The following FBLN7 variants were observed in gnomAD, a reference collection of about 807,000 sequenced individuals.
The protein encoded by FBLN7 is fibulin 7, also known as fibulin-7.
In FBLN7, 31 loss-of-function variants were observed where a neutral mutation model predicts 44.0. The observed-to-expected ratio is 0.70, with a 90% CI of 0.53 to 0.95. The LOEUF is 0.95. Among genes scored for constraint, FBLN7 ranks in the 40% least tolerant of loss-of-function variants. The probability of loss-of-function intolerance (pLI) is 0.00; values close to 1 mark genes in which losing one functional copy is unlikely to be tolerated. For synonymous variants in FBLN7, 262 were observed against 253.4 expected, an observed-to-expected ratio of 1.03 and a Z score of -0.32; for missense variants, 573 against 618.5, an observed-to-expected ratio of 0.93 and a Z score of 0.78.
At chr2:112,139,942 C>A (rs1680545506) in intron 1 of FBLN7, among the ~76,000 whole-genome samples, 1 of 74,334 alleles carries the variant, frequency 1.3e-5, no homozygotes, top group Non-Finnish European at 2.4e-5. Flanking sequence ...CAGTGTCCCT[C>A]CCGCCTCTCT....
the FBLN7 span, among the ~76,000 whole-genome samples, chr2:112,202,828 G>T: frequency 6.6e-6 from 1 of 152,016 alleles, no homozygotes; most frequent in Non-Finnish European, 1.5e-5. Flanking sequence ...AGAACAAGTT[G>T]GGAGCTTCTC....
Position 112,181,796 on chromosome 2 carries a change from C to G in FBLN7, c.590C>G (p.Ala197Gly). 1 of 1,482,220 alleles carries G rather than the reference C, an allele frequency of 6.7e-7. No individual in the cohort carries two copies. The highest frequency in any genetic ancestry group is 8.9e-7 in the Non-Finnish European group (1 of 1,123,150). 91.8% of individuals were successfully genotyped at this position (1,482,220 alleles called of 1,614,324 possible). The change falls in exon 5 of 8, where the codon GCG becomes GGG. Residue 197 changes from alanine (A) to glycine (G), a missense_variant. By Grantham distance (60) the Ala-to-Gly change is moderately conservative (BLOSUM62 0). Coordinates refer to ENST00000331203, the MANE Select transcript of FBLN7 (RefSeq NM_153214.3). Reference protein sequence around the residue: ...DSAFSRAPRCAQVERAQHCSC... With the variant: ...DSAFSRAPRCGQVERAQHCSC... ...GCCTTCAGCCGCGCGCCGCGCTGTG[C>G]GCAGGTGGAGCGGGCTCAGCACTGC...
At chr2:112,185,049 A>T in intron 6 of FBLN7, 152 bp from the exon 7 acceptor site, 1 of 1,032,346 alleles carries the variant, frequency 9.7e-7, no homozygotes, top group Non-Finnish European at 1.4e-6. Context: ...CTGATTCCAC[A>T]CAGTTAAGGA....
the FBLN7 span, among the ~76,000 whole-genome samples, chr2:112,236,928 C>T: frequency 1.3e-5 from 2 of 152,032 alleles, no homozygotes; most frequent in Non-Finnish European, 2.9e-5. Flanking sequence ...TGGTGGTGCA[C>T]GCCTGTAGTC....
rs1573838138 is a variant in FBLN7 at position 112,185,398 on chromosome 2, A to G, written c.947+59A>G. The G allele has an allele frequency of 3.8e-6, 6 of 1,583,844 alleles. No individual in the cohort carries two copies. In the African/African-American group the frequency reaches 6.7e-5, roughly 18 times the overall value. On this transcript the variant is annotated intron_variant, in intron 7 of 7. Coordinates refer to ENST00000331203, the MANE Select transcript of FBLN7 (RefSeq NM_153214.3). ...AGGCCTCCAAGTGTGGCTGGGCTGG[A>G]TGCTTCCTAGAGGTTCTTGGGAGAA... is the stretch of plus-strand genomic sequence containing the variant.
chr2:112,222,592 G>A, the FBLN7 span, among the ~76,000 whole-genome samples: 1 of 152,186 alleles, frequency 6.6e-6, no homozygotes, highest in South Asian at 2.1e-4. Context: ...AAAATCACAA[G>A]GGACAGAAAA....
At chr2:112,227,591 CAAAAT>C in the FBLN7 span, among the ~76,000 whole-genome samples, 1 of 152,154 alleles carries the variant, frequency 6.6e-6, no homozygotes, top group Non-Finnish European at 1.5e-5. Flanking sequence ...CATGCACACA[CAAAAT>C]AAAACCTACT....
At chr2:112,141,979 C>A (rs192131029) in intron 1 of FBLN7, among the ~76,000 whole-genome samples, 4 of 152,214 alleles carry the variant, frequency 2.6e-5, no homozygotes, top group Admixed American at 6.5e-5. Flanking sequence ...ACCTTACTGT[C>A]TTGAGCTGCA....
chr2:112,210,655 C>CAA, the FBLN7 span, among the ~76,000 whole-genome samples: 34 of 69,708 alleles, frequency 4.9e-4, no homozygotes, highest in Non-Finnish European at 6.6e-4. Flanking sequence ...GACTCTGTCT[C>CAA]AAAAAAAAAA....
chr2:112,182,947 TGTC>T lies in FBLN7; in HGVS notation c.808+23_808+25del, dbSNP rs777328529. ...TGTGAGGGTGAGTGAGGCTACAGAG[TGTC>T]GTCTGCACCCAGCCACCTGCTGCTG... On this transcript the variant is annotated intron_variant, in intron 6 of 7. Coordinates refer to ENST00000331203, the MANE Select transcript of FBLN7 (RefSeq NM_153214.3). 20 of 1,609,592 alleles carry T rather than the reference TGTC, an allele frequency of 1.2e-5. No homozygotes were observed. In the East Asian group the frequency reaches 2.5e-4, roughly 20 times the overall value.
chr2:112,185,174 T>C (rs1683207845), intron 6 of FBLN7, 27 bp from the exon 7 acceptor site: 1 of 1,599,360 alleles, frequency 6.3e-7, no homozygotes, highest in African/African-American at 1.3e-5. Flanking sequence ...AGGGCGATTC[T>C]CACCTGTTGT....
the FBLN7 span, among the ~76,000 whole-genome samples, chr2:112,235,986 G>T: frequency 6.7e-6 from 1 of 150,140 alleles, no homozygotes; most frequent in East Asian, 2.0e-4. Flanking sequence ...AGTGGCTCAT[G>T]CCTGTAATCC....
At chr2:112,212,617 A>C in the FBLN7 span, 2 of 152,208 alleles carry the variant, frequency 1.3e-5, no homozygotes, top group African/African-American at 4.8e-5. Context: ...GGTATCGCTC[A>C]TCTAAGACTG....
At chr2:112,160,764 G>A (rs62158712) in intron 2 of FBLN7, among the ~76,000 whole-genome samples, 16 of 38,148 alleles carry the variant, frequency 4.2e-4, no homozygotes, top group East Asian at 2.1e-3. Context: ...ACACACGCAC[G>A]CACACGCAGA....
downstream of FBLN7, chr2:112,188,874 A>G (rs949495941): frequency 1.3e-5 from 2 of 152,280 alleles, no homozygotes; most frequent in African/African-American, 2.4e-5. Flanking sequence ...GAAAAAGGAC[A>G]TGCAAACTAA....
intron 3 of FBLN7, 59 bp from the exon 4 acceptor site, chr2:112,175,655 G>T (rs576307500): frequency 1.5e-5 from 24 of 1,593,338 alleles, no homozygotes; most frequent in Non-Finnish European, 1.5e-5. Flanking sequence ...GTTTTTTATT[G>T]TATTTGTTTT....
the FBLN7 span, chr2:112,234,020 A>G: frequency 4.3e-6 from 3 of 695,040 alleles, no homozygotes; most frequent in Non-Finnish European, 4.4e-6. Flanking sequence ...TTTTTCCAGA[A>G]TGAAACAGCT....
At chr2:112,159,571 A>C (rs1204751973) in intron 1 of FBLN7, 105 bp from the exon 2 acceptor site, 1 of 1,344,592 alleles carries the variant, frequency 7.4e-7, no homozygotes, top group Non-Finnish European at 9.9e-7. Context: ...GTGAGCTTCA[A>C]ACGCGGTTTG....
intron 2 of FBLN7, among the ~76,000 whole-genome samples, chr2:112,160,191 C>T (rs988808929): frequency 2.6e-5 from 4 of 152,208 alleles, no homozygotes; most frequent in South Asian, 2.1e-4. Flanking sequence ...GGGGTTTCAC[C>T]TTGTTAGCCA....
Sources: allele counts gnomAD v4.1 joint callset (sites outside exome capture counted in the v4.1 genomes callset), GRCh38; gene constraint gnomAD v4.1.1; transcripts MANE v1.5; gene names NCBI Gene and HGNC (gene_info 2026-07-23, HGNC 2026-07-21).